Variants in CERT1 observed in about 807,000 individuals in gnomAD.
CERT1 encodes the protein ceramide transporter 1.
Under a neutral mutation model 87.9 loss-of-function variants are expected in CERT1, and 31 were observed. The observed-to-expected ratio is 0.35, with a 90% CI of 0.27 to 0.48. The LOEUF (loss-of-function observed/expected upper bound fraction) is 0.48, where lower values mean the gene tolerates loss of function less well. CERT1 is among the 20% of genes least tolerant of loss of function. The pLI is 0.99. For synonymous variants in CERT1, 289 were observed against 250.9 expected (o/e 1.15, Z -1.44); for missense variants, 487 against 758.0 (o/e 0.64, Z 4.20).
chr5:75,499,176 A>T (rs1258559414), intron 2 of CERT1, among the ~76,000 whole-genome samples: 1 of 152,188 alleles, frequency 6.6e-6, no homozygotes, highest in Non-Finnish European at 1.5e-5. Flanking sequence ...GGTGGAGGGG[A>T]CTTGCCTTGT....
rs1303600349 is a variant in CERT1 at position 75,420,069 on chromosome 5, T to G, written c.596-645A>C. ...TCGGCTCACTGCAACCTCTGCCTCC[T>G]AGGTTCAAGCAATTCTTCCACCTCA... is the stretch of plus-strand genomic sequence containing the variant. On this transcript the variant is annotated intron_variant, in intron 5 of 16. Transcript: ENST00000643780. Among the ~76,000 whole-genome samples the G allele has an allele frequency of 4.0e-5, 6 of 148,652 alleles. No individual in the cohort carries two copies. In the South Asian group the frequency reaches 8.8e-4, roughly 22 times the overall value.
Position 75,382,019 on chromosome 5 carries a change from G to A in CERT1, c.1547C>T (p.Pro516Leu). 2 of 1,613,668 alleles carry A rather than the reference G, an allele frequency of 1.2e-6. No homozygotes were observed. The highest frequency in any genetic ancestry group is 1.7e-6 in the Non-Finnish European group (2 of 1,179,700). ...TTCAGGGTCATTTTCAGTCAAGGCTGGTATCTTTCGAATGACAGAAAGATA... is the reference window on the plus strand; with the variant it reads ...TTCAGGGTCATTTTCAGTCAAGGCTAGTATCTTTCGAATGACAGAAAGATA... ...VLYLSVIRKIPALTENDPETW... is the reference protein window; with the variant it reads ...VLYLSVIRKILALTENDPETW... The change falls in exon 15 of 17, where the codon CCA becomes CTA. Residue 516 changes from proline to leucine, a missense_variant. This residue lies in a region of CERT1 where 147 missense variants were observed against 200.8 expected (regional missense o/e 0.73). Coordinates refer to ENST00000643780, the MANE Select transcript of CERT1 (RefSeq NM_001379029.1).
intron 2 of CERT1, among the ~76,000 whole-genome samples, chr5:75,494,186 G>A (rs530232370): frequency 4.6e-5 from 7 of 152,244 alleles, no homozygotes; most frequent in Admixed American, 1.3e-4. Flanking sequence ...CTTCTGACTC[G>A]AAACCCAAAG....
At chr5:75,426,646 C>T (rs181195322) in intron 3 of CERT1, among the ~76,000 whole-genome samples, 168 bp from the exon 4 acceptor site, 3 of 152,218 alleles carry the variant, frequency 2.0e-5, no homozygotes, top group South Asian at 4.1e-4. Context: ...TTCCTAAATG[C>T]CATTTAATTT....
downstream of CERT1, chr5:75,375,004 T>C (rs1237815974): frequency 4.3e-6 from 1 of 233,028 alleles, no homozygotes; most frequent in Non-Finnish European, 8.5e-6. Context: ...CAAATCTTAA[T>C]TGTTTGCAGT....
At chr5:75,444,791 C>T (rs1412220867) in intron 3 of CERT1, among the ~76,000 whole-genome samples, 4 of 151,944 alleles carry the variant, frequency 2.6e-5, no homozygotes, top group Non-Finnish European at 5.9e-5. Context: ...GTGATCTGCC[C>T]GCCTCGGCCT....
At chr5:75,410,608 T>TC (rs1554037376) in intron 8 of CERT1, 1 of 14,756 alleles carries the variant, frequency 6.8e-5, no homozygotes, top group African/African-American at 2.6e-4. Context: ...AGACTCGGTC[T>TC]CAAAAAAAAA....
intron 2 of CERT1, among the ~76,000 whole-genome samples, chr5:75,501,070 G>A (rs897677440): frequency 2.8e-4 from 43 of 151,234 alleles, no homozygotes; most frequent in African/African-American, 1.0e-3. Flanking sequence ...CTCCACCTGC[G>A]AGGCTGAAGC....
intron 2 of CERT1, among the ~76,000 whole-genome samples, chr5:75,466,018 G>A (rs1765439954): frequency 1.3e-5 from 2 of 152,108 alleles, no homozygotes; most frequent in Non-Finnish European, 2.9e-5. Context: ...CTCACATAGT[G>A]GGGAATTCCT....
At chr5:75,380,088 C>CTCA (rs1426201496) in intron 16 of CERT1, among the ~76,000 whole-genome samples, 2 of 152,164 alleles carry the variant, frequency 1.3e-5, no homozygotes, top group Non-Finnish European at 2.9e-5. Context: ...TAGTAACTTA[C>CTCA]TCAGGTACAA....
chr5:75,373,938 C>A (rs1006760773), downstream of CERT1: 3 of 395,542 alleles, frequency 7.6e-6, no homozygotes, highest in African/African-American at 6.2e-5. Context: ...TAGGAGCAAG[C>A]AAATAAAAAT....
intron 8 of CERT1, among the ~76,000 whole-genome samples, chr5:75,407,694 G>A (rs1290185987): frequency 6.6e-6 from 1 of 152,042 alleles, no homozygotes; most frequent in Non-Finnish European, 1.5e-5. Flanking sequence ...CTTGTCACAG[G>A]CCAGGTCTCA....
In CERT1 at chr5:75,377,785, A is replaced by T. The variant is rs1194365472; in HGVS notation, c.*1561T>A. The T allele has an allele frequency of 1.3e-5, 2 of 152,096 alleles. No individual in the cohort carries two copies. Among genetic ancestry groups the T allele is most frequent in the Non-Finnish European group, 2.9e-5 (2 of 68,022 alleles). The allele number at this position is 152,096 out of a possible 1,614,324, so 9.4% of individuals were successfully genotyped here. A position where few individuals can be genotyped will look rare whatever the true frequency, so the allele number is the denominator to read the frequency against. On this transcript the variant is annotated 3_prime_UTR_variant, in exon 17 of 17. Transcript: ENST00000643780. The stretch of plus-strand genomic sequence containing the variant: ...GTAAATTTTACTGTATAACTTTTTC[A>T]TACTTTTGACTTTATTTATTTATTT...
At position 75,384,673 on chromosome 5, in the gene CERT1, T is replaced by G; in HGVS notation, c.1457A>C (p.Asp486Ala). Reference sequence around the variant, plus strand: ...TGTTTGATAAATGATGATTGCATTATCAGCTAATGTTTCCACCACATGAAA... The same window carrying G: ...TGTTTGATAAATGATGATTGCATTAGCAGCTAATGTTTCCACCACATGAAA... Reference protein sequence around the residue: ...ENFHVVETLADNAIIIYQTHK... With the variant: ...ENFHVVETLAANAIIIYQTHK... The change falls in exon 14 of 17, where the codon GAT (aspartate) becomes GCT (alanine). Residue 486 changes from aspartate (D) to alanine (A), a missense_variant. Transcript: ENST00000643780. 6.2e-7 allele frequency: 1 copy of G among 1,606,758 alleles called. No homozygotes were observed. Among genetic ancestry groups the G allele is most frequent in the Middle Eastern group, 1.7e-4 (1 of 6,046 alleles).
Position 75,478,880 on chromosome 5 carries a change from C to T in CERT1, c.232-19699G>A, listed in dbSNP as rs539118541. Among the ~76,000 whole-genome samples the T allele has an allele frequency of 1.1e-4, 12 of 106,902 alleles. No homozygotes were observed. The South Asian group carries it at 2.7e-3, about 24-fold the overall frequency. The allele number at this position is 106,902 out of a possible 152,430, so 70.1% of individuals were successfully genotyped here. A position where few individuals can be genotyped will look rare whatever the true frequency, so the allele number is the denominator to read the frequency against. On this transcript the variant is annotated intron_variant, in intron 2 of 16. Coordinates refer to ENST00000643780, the MANE Select transcript of CERT1 (RefSeq NM_001379029.1). ...AGGGAGGTGTAAGATAAGATGAATC[C>T]GGAAAATCTTGAGCTTGAAAGTAAG...
rs144195833 is a variant in CERT1, at chr5:75,432,806, C to T, written c.349-6328G>A. On this transcript the variant is annotated intron_variant, in intron 3 of 16. Coordinates refer to ENST00000643780, the MANE Select transcript of CERT1 (RefSeq NM_001379029.1). Reference sequence around the variant, plus strand: ...GCCTAGACCAGTATGTCCTAGATTTCCTACTTGGGTTTTTATAGTTTTAGA... The same window carrying T: ...GCCTAGACCAGTATGTCCTAGATTTTCTACTTGGGTTTTTATAGTTTTAGA... 2.1e-3 allele frequency among the ~76,000 whole-genome samples: 315 copies of T among 152,298 alleles called. 1 individual carries two copies. In the East Asian group the frequency reaches 0.027, roughly 13 times the overall value.
intron 8 of CERT1, among the ~76,000 whole-genome samples, chr5:75,407,371 A>C (rs1225025560): frequency 6.6e-6 from 1 of 152,024 alleles, no homozygotes; most frequent in Non-Finnish European, 1.5e-5. Context: ...CCAAATGTGG[A>C]GAAAAGTGGA....
At chr5:75,450,630 G>C (rs1389360992) in intron 3 of CERT1, among the ~76,000 whole-genome samples, 1 of 152,118 alleles carries the variant, frequency 6.6e-6, no homozygotes, top group East Asian at 1.9e-4. Context: ...TTTCTGGTGA[G>C]GCAGCCACCC....
intron 2 of CERT1, among the ~76,000 whole-genome samples, chr5:75,503,475 C>T (rs1285508073): frequency 6.6e-6 from 1 of 151,934 alleles, no homozygotes; most frequent in African/African-American, 2.4e-5. Flanking sequence ...AATTTGTAAA[C>T]TCATCCTGAG....
Sources: gnomAD v4.1 joint callset for allele counts (sites outside exome capture counted in the v4.1 genomes callset) on GRCh38, gnomAD v4.1.1 for gene constraint, gnomAD v4.1.1 regional missense constraint, MANE v1.5 for transcripts, NCBI Gene and HGNC (gene_info 2026-07-23, HGNC 2026-07-21) for gene names.